PDE4D: variants seen among roughly 807,000 people sequenced by gnomAD.
PDE4D encodes the protein phosphodiesterase 4D.
In PDE4D, 24 loss-of-function variants were observed where a neutral mutation model predicts 87.4. The ratio of observed to expected loss-of-function variants is 0.27; its 90% CI spans 0.20 to 0.39. The LOEUF (loss-of-function observed/expected upper bound fraction) is 0.39. Ranked by LOEUF, PDE4D falls within the 10% of genes least tolerant of loss-of-function variation. The pLI is 1.00. For synonymous variants in PDE4D, 384 were observed against 383.2 expected, an observed-to-expected ratio of 1.00 and a Z score of -0.02; for missense variants, 714 against 1,041.0, an observed-to-expected ratio of 0.69 and a Z score of 4.32.
intron 1 of PDE4D, among the ~76,000 whole-genome samples, chr5:60,366,694 G>T (rs927383852): frequency 4.6e-5 from 7 of 152,186 alleles, no homozygotes. Flanking sequence ...AGCCAAGTGT[G>T]GCTGCCGTTC....
At chr5:59,249,584 C>T (rs1315744465) in intron 1 of PDE4D, among the ~76,000 whole-genome samples, 1 of 151,914 alleles carries the variant, frequency 6.6e-6, no homozygotes, top group Non-Finnish European at 1.5e-5. Flanking sequence ...GTTACAAAAT[C>T]TTTTTAGGGT....
At chr5:59,761,181 G>T (rs947752583) in intron 1 of PDE4D, among the ~76,000 whole-genome samples, 3 of 152,088 alleles carry the variant, frequency 2.0e-5, no homozygotes, top group African/African-American at 7.2e-5. Flanking sequence ...TAAAAATACA[G>T]TATAAAAGAT....
In PDE4D at chr5:60,235,391, G is replaced by C. The variant is rs549453165; in HGVS notation, c.-89-49704C>G. On this transcript the variant is annotated intron_variant, in intron 1 of 16. Transcript: ENST00000502484. ...TTCTATAGTATAATGATTATTACAG[G>C]TATAATAAAACCTCCCGAAGTAGTT... Among the ~76,000 whole-genome samples the C allele has an allele frequency of 9.9e-5, 15 of 151,952 alleles. No individual in the cohort carries two copies. The South Asian group carries it at 3.1e-3, about 32-fold the overall frequency.
Position 60,436,435 on chromosome 5 carries a change from A to G in PDE4D, c.-90+51507T>C, listed in dbSNP as rs544547638. On this transcript the variant is annotated intron_variant, in intron 1 of 16. Transcript: ENST00000502484. Reference sequence around the variant, plus strand: ...CTTTGAATGTTTTCAAGACATTCAAATTTTCTCCTACACAAAATCCTATGC... The same window carrying G: ...CTTTGAATGTTTTCAAGACATTCAAGTTTTCTCCTACACAAAATCCTATGC... Among the ~76,000 whole-genome samples, 19 of 152,160 alleles carry G rather than the reference A, an allele frequency of 1.2e-4. No individual in the cohort carries two copies. The South Asian group carries it at 3.9e-3, about 32-fold the overall frequency.
chr5:59,916,945 GC>G (rs1754119204), intron 3 of PDE4D, among the ~76,000 whole-genome samples: 1 of 143,518 alleles, frequency 7.0e-6, no homozygotes, highest in Non-Finnish European at 1.5e-5. Context: ...GCACCACCAT[GC>G]CCGGCTAATT....
At chr5:59,967,862 G>A (rs185890102) in intron 3 of PDE4D, among the ~76,000 whole-genome samples, 1 of 151,728 alleles carries the variant, frequency 6.6e-6, no homozygotes, top group Admixed American at 6.6e-5. Flanking sequence ...CCCATCAATA[G>A]TAGATTGCAT....
intron 3 of PDE4D, among the ~76,000 whole-genome samples, chr5:59,906,403 G>T (rs1440686784): frequency 1.3e-5 from 2 of 152,076 alleles, no homozygotes; most frequent in Non-Finnish European, 2.9e-5. Context: ...AATAGAAATA[G>T]CACATACTGC....
chr5:59,500,695 C>T (rs1249869848), intron 1 of PDE4D, among the ~76,000 whole-genome samples: 4 of 152,128 alleles, frequency 2.6e-5, no homozygotes, highest in Non-Finnish European at 5.9e-5. Flanking sequence ...CAAGCCCAAA[C>T]CTCAGCTTCA....
At chr5:60,321,600 T>C (rs1475120163) in intron 1 of PDE4D, among the ~76,000 whole-genome samples, 1 of 152,184 alleles carries the variant, frequency 6.6e-6, no homozygotes. Flanking sequence ...ATCAATATAC[T>C]AAACAGACAA....
intron 1 of PDE4D, among the ~76,000 whole-genome samples, chr5:60,435,218 C>T (rs987577252): frequency 2.0e-5 from 3 of 152,036 alleles, no homozygotes; most frequent in Non-Finnish European, 2.9e-5. Flanking sequence ...ATGTGTTATG[C>T]ATTTTTCAAC....
chr5:59,949,808 A>G (rs1758111734), intron 3 of PDE4D, among the ~76,000 whole-genome samples: 1 of 152,152 alleles, frequency 6.6e-6, no homozygotes, highest in Non-Finnish European at 1.5e-5. Flanking sequence ...TTTTTATGTT[A>G]TCTTTCCGGT....
chr5:60,333,845 A>G (rs1349959010), intron 1 of PDE4D, among the ~76,000 whole-genome samples: 9 of 152,322 alleles, frequency 5.9e-5, no homozygotes, highest in African/African-American at 2.2e-4. Context: ...CATGAGGTTG[A>G]AAGAGAAGAG....
intron 5 of PDE4D, among the ~76,000 whole-genome samples, chr5:59,050,926 T>G (rs574031506): frequency 6.6e-6 from 1 of 152,246 alleles, no homozygotes; most frequent in South Asian, 2.1e-4. Context: ...TTTAAATAAG[T>G]TAATTTTAAA....
intron 11 of PDE4D, among the ~76,000 whole-genome samples, chr5:58,986,798 T>A (rs1418810879): frequency 6.6e-6 from 1 of 152,162 alleles, no homozygotes; most frequent in Non-Finnish European, 1.5e-5. Flanking sequence ...CAGGTCCTCA[T>A]TACCCTTAAA....
At chr5:60,248,585 C>T (rs905538113) in intron 1 of PDE4D, among the ~76,000 whole-genome samples, 1 of 152,100 alleles carries the variant, frequency 6.6e-6, no homozygotes, top group Non-Finnish European at 1.5e-5. Context: ...ACCATGGTAA[C>T]AGACTCAGGT....
At chr5:59,775,783 A>AGTGAT (rs1764016338) in intron 1 of PDE4D, among the ~76,000 whole-genome samples, 3 of 152,232 alleles carry the variant, frequency 2.0e-5, no homozygotes, top group Non-Finnish European at 4.4e-5. Flanking sequence ...ATAACACAAT[A>AGTGAT]GTGATCTATT....
intron 1 of PDE4D, among the ~76,000 whole-genome samples, chr5:59,686,298 T>G (rs1749847043): frequency 1.3e-5 from 2 of 152,154 alleles, no homozygotes; most frequent in Non-Finnish European, 2.9e-5. Flanking sequence ...ACTCTTTAGA[T>G]AGTGGACATG....
chr5:60,501,924 T>C (rs1750098433), intron 1 of PDE4D, among the ~76,000 whole-genome samples: 2 of 152,240 alleles, frequency 1.3e-5, no homozygotes, highest in South Asian at 4.1e-4. Context: ...ATGAATAGAT[T>C]GTGAAAATTT....
In PDE4D at chr5:59,378,764, T is replaced by C. The variant is rs147569924; in HGVS notation, c.456-162796A>G. Among the ~76,000 whole-genome samples, 440 of 152,280 alleles carry C rather than the reference T, an allele frequency of 2.9e-3. 1 individual carries two copies. The South Asian group carries it at 0.036, about 12-fold the overall frequency. ...CACATTGCTGTCACATTTTTGCCCATATTATTTATGAGATTTCTTCAAAAT... is the reference window on the plus strand; with the variant it reads ...CACATTGCTGTCACATTTTTGCCCACATTATTTATGAGATTTCTTCAAAAT... On this transcript the variant is annotated intron_variant, in intron 1 of 14. Coordinates refer to ENST00000340635, the MANE Select transcript of PDE4D (RefSeq NM_001104631.2).
Sources: allele counts gnomAD v4.1 joint callset (sites outside exome capture counted in the v4.1 genomes callset), GRCh38; gene constraint gnomAD v4.1.1; transcripts MANE v1.5; gene names NCBI Gene and HGNC (gene_info 2026-07-23, HGNC 2026-07-21).